SLC39A11: variants seen among roughly 807,000 people sequenced by gnomAD.
SLC39A11 encodes solute carrier family 39 member 11.
A neutral mutation model predicts 36.1 loss-of-function variants in SLC39A11; 33 were observed. The ratio of observed to expected loss-of-function variants is 0.91; its 90% CI spans 0.69 to 1.22. SLC39A11 has a LOEUF of 1.22. Among genes scored for constraint, SLC39A11 ranks in the 50% most tolerant of loss-of-function variants. The pLI is 0.00. For synonymous variants in SLC39A11, 166 were observed against 170.3 expected (o/e 0.97, Z 0.20); for missense variants, 432 against 430.3 (o/e 1.00, Z -0.03).
intron 7 of SLC39A11, among the ~76,000 whole-genome samples, chr17:72,716,570 A>G (rs1352445593): frequency 4.0e-5 from 3 of 74,174 alleles, no homozygotes; most frequent in Non-Finnish European, 7.0e-5. Context: ...GAGTATAAGG[A>G]AAAAAAAAAT....
intron 4 of SLC39A11, among the ~76,000 whole-genome samples, chr17:72,964,596 G>A (rs1259439087): frequency 1.3e-5 from 2 of 152,180 alleles, no homozygotes; most frequent in African/African-American, 2.4e-5. Flanking sequence ...AATGTTCTGA[G>A]GTAAGTGCTA....
intron 4 of SLC39A11, among the ~76,000 whole-genome samples, chr17:73,002,339 C>T (rs193206592): frequency 1.3e-5 from 2 of 152,224 alleles, no homozygotes; most frequent in East Asian, 3.9e-4. Flanking sequence ...AGTTCGAAGT[C>T]CTACAGTCAG....
At chr17:72,976,452 G>C (rs1270584530) in intron 4 of SLC39A11, among the ~76,000 whole-genome samples, 1 of 152,144 alleles carries the variant, frequency 6.6e-6, no homozygotes, top group South Asian at 2.1e-4. Flanking sequence ...AAGAAAAAGA[G>C]TGATAACTGA....
chr17:72,776,620 A>AAC (rs1555668734), intron 6 of SLC39A11, among the ~76,000 whole-genome samples: 3 of 150,598 alleles, frequency 2.0e-5, no homozygotes, highest in Admixed American at 6.6e-5. Flanking sequence ...GAAAAAAAAA[A>AAC]AAAAAAAAAC....
intron 7 of SLC39A11, among the ~76,000 whole-genome samples, chr17:72,698,482 C>T (rs1290264931): frequency 7.3e-6 from 1 of 137,792 alleles, no homozygotes; most frequent in African/African-American, 2.7e-5. Context: ...AAAAAAAAGG[C>T]AGTTGGGTCT....
At chr17:72,794,917 C>G (rs1310173418) in intron 6 of SLC39A11, among the ~76,000 whole-genome samples, 3 of 152,100 alleles carry the variant, frequency 2.0e-5, no homozygotes, top group Non-Finnish European at 4.4e-5. Flanking sequence ...TGTCAACATC[C>G]ACGACATTAG....
chr17:72,754,850 T>C (rs886702400), intron 6 of SLC39A11, among the ~76,000 whole-genome samples: 1 of 152,214 alleles, frequency 6.6e-6, no homozygotes, highest in Non-Finnish European at 1.5e-5. Context: ...AGTGTGCACA[T>C]GCAAGCATGC....
intron 4 of SLC39A11, among the ~76,000 whole-genome samples, chr17:72,998,986 T>G (rs1375789131): frequency 6.6e-6 from 1 of 151,804 alleles, no homozygotes; most frequent in Admixed American, 6.6e-5. Context: ...ATACCAAGAG[T>G]GGTTTCAGAG....
chr17:73,017,906 G>A (rs957381970), intron 4 of SLC39A11, among the ~76,000 whole-genome samples: 2 of 152,098 alleles, frequency 1.3e-5, no homozygotes. Context: ...TATGAGGCCT[G>A]GAAAAGAGAA....
Position 72,836,498 on chromosome 17 carries a change from A to T in SLC39A11, c.601+13136T>A, listed in dbSNP as rs565454207. On this transcript the variant is annotated intron_variant, in intron 6 of 9. Coordinates refer to ENST00000255559, the MANE Select transcript of SLC39A11 (RefSeq NM_139177.4). ...TGTGACTGCAATCACGCGCCACCATACCCCACTAATTTTTGTATTTTTTGT... is the reference window on the plus strand; with the variant it reads ...TGTGACTGCAATCACGCGCCACCATTCCCCACTAATTTTTGTATTTTTTGT... Among the ~76,000 whole-genome samples, 9 of 151,768 alleles carry T rather than the reference A, an allele frequency of 5.9e-5. No homozygotes were observed. In the South Asian group the frequency reaches 1.9e-3, roughly 32 times the overall value.
chr17:72,980,766 T>C (rs905849332), intron 4 of SLC39A11, among the ~76,000 whole-genome samples: 1 of 152,196 alleles, frequency 6.6e-6, no homozygotes, highest in Non-Finnish European at 1.5e-5. Context: ...GGCTCATGCC[T>C]GTAATCCCGA....
intron 5 of SLC39A11, among the ~76,000 whole-genome samples, chr17:72,880,213 G>A (rs996199389): frequency 5.3e-5 from 8 of 152,332 alleles, no homozygotes; most frequent in East Asian, 1.9e-4. Flanking sequence ...CATCCATCAC[G>A]ATGTGGGGAA....
chr17:72,899,394 G>GT (rs1018202909), intron 5 of SLC39A11, among the ~76,000 whole-genome samples: 4 of 152,034 alleles, frequency 2.6e-5, no homozygotes, highest in Non-Finnish European at 5.9e-5. Flanking sequence ...TATTTACATT[G>GT]TTTTTTTACC....
chr17:72,738,295 C>T (rs1598509886), intron 6 of SLC39A11, among the ~76,000 whole-genome samples: 2 of 152,284 alleles, frequency 1.3e-5, no homozygotes, highest in South Asian at 2.1e-4. Flanking sequence ...TGAGCCACCG[C>T]ACCTGGCCAA....
chr17:73,087,383 G>A (rs2060769956), intron 2 of SLC39A11, among the ~76,000 whole-genome samples: 1 of 152,144 alleles, frequency 6.6e-6, no homozygotes, highest in East Asian at 1.9e-4. Context: ...TCCTAAAGGT[G>A]TTTTCATTTC....
chr17:72,843,815 A>C (rs1186749638), intron 6 of SLC39A11, among the ~76,000 whole-genome samples: 1 of 152,132 alleles, frequency 6.6e-6, no homozygotes, highest in East Asian at 1.9e-4. Context: ...AAGCTTAAGA[A>C]CTATTTGACC....
chr17:72,934,614 C>T (rs2084629970), intron 5 of SLC39A11, among the ~76,000 whole-genome samples: 1 of 151,986 alleles, frequency 6.6e-6, no homozygotes, highest in Admixed American at 6.6e-5. Flanking sequence ...TGCTGTGAGC[C>T]GAGATTGCGC....
At position 72,861,674 on chromosome 17, in the gene SLC39A11, T is replaced by TATATATATATAAA. The variant is rs2080019030; in HGVS notation, c.431-11871_431-11870insTTTATATATATAT. ...ACAACACATTATATATATATATATA[T>TATATATATATAAA]ATATATATATATATAAAATATATAT... is the stretch of plus-strand genomic sequence containing the variant. On this transcript the variant is annotated intron_variant, in intron 5 of 9. Transcript: ENST00000255559. Among the ~76,000 whole-genome samples, 3 of 121,634 alleles carry TATATATATATAAA rather than the reference T, an allele frequency of 2.5e-5. No homozygotes were observed. The East Asian group carries it at 8.4e-4, about 34-fold the overall frequency. 79.8% of individuals were successfully genotyped at this position (121,634 alleles called of 152,430 possible). A position where few individuals can be genotyped will look rare whatever the true frequency, so the allele number is the denominator to read the frequency against.
intron 4 of SLC39A11, among the ~76,000 whole-genome samples, chr17:72,974,157 G>A (rs190758891): frequency 1.3e-5 from 2 of 152,272 alleles, no homozygotes; most frequent in African/African-American, 2.4e-5. Context: ...CTGGAGTGCA[G>A]TGGCGCGATC....
Sources: gnomAD v4.1 joint callset for allele counts (sites outside exome capture counted in the v4.1 genomes callset) on GRCh38, gnomAD v4.1.1 for gene constraint, MANE v1.5 for transcripts, NCBI Gene and HGNC (gene_info 2026-07-23, HGNC 2026-07-21) for gene names.